The following CNTN6 variants were observed in gnomAD, a reference collection of about 807,000 sequenced individuals.
CNTN6 encodes contactin-6.
CNTN6 carries 137 observed loss-of-function variants against 122.8 expected under a neutral mutation model. That is an observed-to-expected ratio of 1.12 (90% confidence interval 0.97 to 1.29). The LOEUF (loss-of-function observed/expected upper bound fraction) is 1.29. Among genes scored for constraint, CNTN6 ranks in the 50% most tolerant of loss-of-function variants. The pLI is 0.00. For missense variants in CNTN6, 1,634 were observed against 1,223.4 expected (o/e 1.34, Z -5.01); for synonymous variants, 570 against 426.0 (o/e 1.34, Z -4.16).
At chr3:1,122,334 G>A (rs2125064889) in intron 1 of CNTN6, among the ~76,000 whole-genome samples, 1 of 129,284 alleles carries the variant, frequency 7.7e-6, no homozygotes, top group African/African-American at 3.1e-5. Flanking sequence ...AAAGAAGGGA[G>A]GGCGAGAGAG....
chr3:1,384,928 GTTAC>G (rs1191308378), intron 19 of CNTN6, among the ~76,000 whole-genome samples: 1 of 150,916 alleles, frequency 6.6e-6, no homozygotes, highest in African/African-American at 2.4e-5. Context: ...CTGAACCCTA[GTTAC>G]TTCTCAAATT....
Position 1,179,446 on chromosome 3 carries a change from G to A in CNTN6, c.55+31383G>A, listed in dbSNP as rs144458753. Reference sequence around the variant, plus strand: ...GCGTGGTGGTAAGAGGAGCATTGCTGTTCTAATTAAGCCTTGGTTTTAGGC... The same window carrying A: ...GCGTGGTGGTAAGAGGAGCATTGCTATTCTAATTAAGCCTTGGTTTTAGGC... On this transcript the variant is annotated intron_variant, in intron 2 of 22. Transcript: ENST00000446702. Among the ~76,000 whole-genome samples the A allele has an allele frequency of 3.9e-3, 588 of 152,258 alleles. 6 individuals carry two copies. The highest frequency in any genetic ancestry group is 0.014 in the African/African-American group (570 of 41,550).
chr3:1,306,754 T>C (rs935085368), intron 7 of CNTN6, among the ~76,000 whole-genome samples: 7 of 152,198 alleles, frequency 4.6e-5, no homozygotes, highest in Admixed American at 3.9e-4. Flanking sequence ...GTAACTACTT[T>C]ATTAATCCTG....
Position 1,393,555 on chromosome 3 carries a change from T to TA in CNTN6, c.2704+7777dup, listed in dbSNP as rs572632140. 1.2e-3 allele frequency among the ~76,000 whole-genome samples: 128 copies of TA among 107,904 alleles called. 1 individual carries two copies. Among genetic ancestry groups the TA allele is most frequent in the South Asian group, 7.3e-3 (24 of 3,298 alleles). 70.8% of individuals were successfully genotyped at this position (107,904 alleles called of 152,430 possible). On this transcript the variant is annotated intron_variant, in intron 20 of 22. Coordinates refer to ENST00000446702, the MANE Select transcript of CNTN6 (RefSeq NM_001289080.2). ...ACATGTACCCTAAAACTTAAAGAAG[T>TA]AAAAAAAAAAAAAAAAAAAGAAACT...
chr3:1,212,087 T>A (rs1485811375), intron 2 of CNTN6, among the ~76,000 whole-genome samples: 1 of 152,138 alleles, frequency 6.6e-6, no homozygotes. Context: ...ATCATGGAAT[T>A]AACTTTTTAA....
chr3:1,251,788 T>A (rs747145912), intron 4 of CNTN6, among the ~76,000 whole-genome samples: 1 of 152,136 alleles, frequency 6.6e-6, no homozygotes, highest in Non-Finnish European at 1.5e-5. Context: ...CCTATAAAAG[T>A]CAACTAAATC....
At chr3:1,393,555 TAAAAAAA>T (rs572632140) in intron 20 of CNTN6, among the ~76,000 whole-genome samples, 2 of 107,926 alleles carry the variant, frequency 1.9e-5, no homozygotes, top group Non-Finnish European at 2.0e-5. Context: ...CTTAAAGAAG[TAAAAAAA>T]AAAAAAAAAA....
chr3:1,385,693 C>G lies in CNTN6; in HGVS notation c.2600C>G (p.Thr867Arg), dbSNP rs763516578. The G allele has an allele frequency of 4.3e-6, 7 of 1,614,016 alleles. No homozygotes were observed. The highest frequency in any genetic ancestry group is 5.9e-6 in the Non-Finnish European group (7 of 1,179,898). The change falls in exon 20 of 23, where the codon ACG becomes AGG. Residue 867 changes from threonine to arginine, a missense_variant. Transcript: ENST00000446702. ...GGAAATGTCACAACCAAAAACATCA[C>G]GGGGCTGAAAGCTAATACCATCTAC... is the stretch of plus-strand genomic sequence containing the variant. ...VSGNVTTKNI[T>R]GLKANTIYFA...
chr3:1,266,216 C>T (rs76180124), intron 4 of CNTN6, among the ~76,000 whole-genome samples: 1 of 152,042 alleles, frequency 6.6e-6, no homozygotes, highest in Non-Finnish European at 1.5e-5. Context: ...TTTATCTAAA[C>T]CATAATGCAT....
Position 1,295,692 on chromosome 3 carries a change from C to G in CNTN6, c.546C>G (p.Tyr182Ter), listed in dbSNP as rs907451307. 1.2e-6 allele frequency: 2 copies of G among 1,613,888 alleles called. No homozygotes were observed. The highest frequency in any genetic ancestry group is 1.1e-5 in the South Asian group (1 of 91,086). The change falls in exon 6 of 23, where the codon TAC (tyrosine) becomes TAG (stop). Residue 182 changes from tyrosine (Y) to a stop codon, truncating the protein, a stop_gained. Transcript: ENST00000446702. LOFTEE classifies it high-confidence loss of function. Reference sequence around the variant, plus strand: ...TATCTCAAGAGACGGGAAACTTGTACATTGCCAAAGTGGAACCATCAGATG... The same window carrying G: ...TATCTCAAGAGACGGGAAACTTGTAGATTGCCAAAGTGGAACCATCAGATG... ...RFVSQETGNL[Y>*]IAKVEPSDVG...
chr3:1,377,130 A>G (rs1709984038), intron 17 of CNTN6, 55 bp downstream of exon 17: 2 of 1,223,356 alleles, frequency 1.6e-6, no homozygotes, highest in Middle Eastern at 3.9e-4. Flanking sequence ...ACTGGCCAGA[A>G]AGAAACTGAA....
At chr3:1,130,627 T>C (rs1191781034) in intron 1 of CNTN6, among the ~76,000 whole-genome samples, 2 of 152,158 alleles carry the variant, frequency 1.3e-5, no homozygotes, top group East Asian at 1.9e-4. Context: ...ATTCTCTTTC[T>C]GAGTAACCCA....
At chr3:1,327,319 C>A in intron 9 of CNTN6, 138 bp from the exon 10 acceptor site, 1 of 906,934 alleles carries the variant, frequency 1.1e-6, no homozygotes, top group Non-Finnish European at 1.6e-6. Context: ...AAAAATGCTG[C>A]TCAGAATCTA....
chr3:1,332,340 T>G (rs760205002), intron 11 of CNTN6, among the ~76,000 whole-genome samples: 8 of 151,988 alleles, frequency 5.3e-5, no homozygotes, highest in Non-Finnish European at 1.0e-4. Context: ...CTTTATTAAG[T>G]GCATGGCTTC....
chr3:1,350,466 C>T (rs1190676743), intron 11 of CNTN6, among the ~76,000 whole-genome samples: 1 of 151,814 alleles, frequency 6.6e-6, no homozygotes, highest in African/African-American at 2.4e-5. Flanking sequence ...TTAGTTTGCT[C>T]TCTCAGTACC....
rs545090399 is a variant in CNTN6, at chr3:1,265,906, T to G, written c.359-12507T>G. Among the ~76,000 whole-genome samples, 15 of 152,282 alleles carry G rather than the reference T, an allele frequency of 9.9e-5. 1 individual carries two copies. The South Asian group carries it at 3.1e-3, about 32-fold the overall frequency. On this transcript the variant is annotated intron_variant, in intron 4 of 22. Coordinates refer to ENST00000446702, the MANE Select transcript of CNTN6 (RefSeq NM_001289080.2). ...CAAATTGCTTTGATTTTTTAATGAG[T>G]AAATTTGTTTGAAAAAACATATTTA...
At chr3:1,205,347 G>A (rs764792291) in intron 2 of CNTN6, among the ~76,000 whole-genome samples, 44 of 152,102 alleles carry the variant, frequency 2.9e-4, no homozygotes, top group African/African-American at 8.9e-4. Context: ...AATTTGTTAC[G>A]GCAACAATAG....
chr3:1,245,060 G>T (rs2094541381), intron 4 of CNTN6, among the ~76,000 whole-genome samples: 1 of 148,652 alleles, frequency 6.7e-6, no homozygotes, highest in African/African-American at 2.5e-5. Context: ...TACAGGGGAT[G>T]CGATGGCCTG....
intron 1 of CNTN6, among the ~76,000 whole-genome samples, chr3:1,146,319 T>A (rs543930989): frequency 1.4e-3 from 209 of 152,186 alleles, no homozygotes; most frequent in African/African-American, 4.8e-3. Context: ...GACTTTCTCA[T>A]ATCTTTGAAC....
Sources: allele counts gnomAD v4.1 joint callset (sites outside exome capture counted in the v4.1 genomes callset), GRCh38; gene constraint gnomAD v4.1.1; transcripts MANE v1.5; gene names NCBI Gene and HGNC (gene_info 2026-07-23, HGNC 2026-07-21).